The following CLSTN2 variants were observed in gnomAD, a reference collection of about 807,000 sequenced individuals.
CLSTN2 encodes calsyntenin-2.
In CLSTN2, 48 loss-of-function variants were observed where a neutral mutation model predicts 101.2. The observed-to-expected ratio is 0.47, with a 90% CI of 0.38 to 0.60. The LOEUF (loss-of-function observed/expected upper bound fraction) is 0.60. Among genes scored for constraint, CLSTN2 ranks in the 20% least tolerant of loss-of-function variants. The pLI is 0.00. For missense variants in CLSTN2, 1,160 were observed against 1,238.2 expected (o/e 0.94, Z 0.95); for synonymous variants, 481 against 463.6 (o/e 1.04, Z -0.48).
intron 1 of CLSTN2, among the ~76,000 whole-genome samples, chr3:139,989,578 A>T (rs9856121): frequency 0.33 from 49,662 of 151,992 alleles, 10,086 homozygotes; most frequent in Non-Finnish European, 0.46. Context: ...TCCTGGACCC[A>T]GCAGAGGTCA....
intron 2 of CLSTN2, among the ~76,000 whole-genome samples, chr3:140,228,423 T>A (rs1453034187): frequency 6.6e-6 from 1 of 152,214 alleles, no homozygotes; most frequent in African/African-American, 2.4e-5. Flanking sequence ...ATTAACATTT[T>A]GGGCAAAGCC....
At chr3:140,289,969 G>C (rs2086933165) in intron 2 of CLSTN2, among the ~76,000 whole-genome samples, 1 of 150,134 alleles carries the variant, frequency 6.7e-6, no homozygotes, top group African/African-American at 2.5e-5. Flanking sequence ...CATGTAAAAG[G>C]GTCTCAGAAG....
chr3:140,464,373 A>G (rs1433685137), intron 7 of CLSTN2, among the ~76,000 whole-genome samples: 3 of 152,242 alleles, frequency 2.0e-5, no homozygotes, highest in Admixed American at 1.3e-4. Context: ...GACTATTCTA[A>G]TTCAAGAAAG....
chr3:140,318,202 G>A (rs763536275), intron 2 of CLSTN2, among the ~76,000 whole-genome samples: 1 of 152,176 alleles, frequency 6.6e-6, no homozygotes, highest in Non-Finnish European at 1.5e-5. Context: ...TTTTACCCAG[G>A]TAAGCTAAGG....
At chr3:140,335,598 AG>A (rs934254883) in intron 2 of CLSTN2, among the ~76,000 whole-genome samples, 2 of 149,148 alleles carry the variant, frequency 1.3e-5, no homozygotes, top group Non-Finnish European at 2.9e-5. Context: ...AAAGACAGCT[AG>A]GGTTTCAAAG....
At chr3:140,256,373 G>C (rs2086604416) in intron 2 of CLSTN2, among the ~76,000 whole-genome samples, 1 of 152,172 alleles carries the variant, frequency 6.6e-6, no homozygotes, top group Non-Finnish European at 1.5e-5. Flanking sequence ...TGGAAAATAT[G>C]TCTTTGAATG....
intron 8 of CLSTN2, among the ~76,000 whole-genome samples, chr3:140,497,354 C>T (rs1408577958): frequency 3.3e-5 from 5 of 152,134 alleles, no homozygotes; most frequent in African/African-American, 7.2e-5. Flanking sequence ...CCCGCCCAGT[C>T]AGGAGGGATG....
chr3:140,183,965 G>A (rs927598489), intron 2 of CLSTN2, among the ~76,000 whole-genome samples: 2 of 152,170 alleles, frequency 1.3e-5, no homozygotes, highest in Non-Finnish European at 1.5e-5. Context: ...AAACTTATGA[G>A]CATCAAACAA....
intron 1 of CLSTN2, among the ~76,000 whole-genome samples, chr3:140,104,732 G>C (rs1383694996): frequency 6.6e-6 from 1 of 152,224 alleles, no homozygotes; most frequent in Non-Finnish European, 1.5e-5. Flanking sequence ...CCAGCACTTT[G>C]GGAGGCCAAG....
chr3:140,418,504 TCTTTCTTTCTTTC>T (rs144552784), intron 4 of CLSTN2, among the ~76,000 whole-genome samples: 15,460 of 99,272 alleles, frequency 0.16, 1,803 homozygotes, highest in African/African-American at 0.45. Context: ...TTTCTTTCTT[TCTTTCTTTCTTTC>T]TTTTTTTTTT....
At chr3:140,427,184 A>AAATATATATATATATGTGTATATAT (rs2088575338) in intron 5 of CLSTN2, among the ~76,000 whole-genome samples, 1 of 94,202 alleles carries the variant, frequency 1.1e-5, no homozygotes, top group Admixed American at 1.1e-4. Flanking sequence ...AAAAAAAAAA[A>AAATATATATATATATGTGTATATAT]ATATATATAT....
intron 1 of CLSTN2, among the ~76,000 whole-genome samples, chr3:139,966,733 C>G (rs1560056520): frequency 6.6e-6 from 1 of 152,190 alleles, no homozygotes; most frequent in Non-Finnish European, 1.5e-5. Flanking sequence ...TTGCAATCCT[C>G]AGAGGCTCAT....
chr3:140,563,070 C>T lies in CLSTN2; in HGVS notation c.2359-10C>T. Reference sequence around the variant, plus strand: ...CCTGGGTCAATAGCACCTCTCCCCACTCTTCCCAGGTCAGCATCCTTCATG... The same window carrying T: ...CCTGGGTCAATAGCACCTCTCCCCATTCTTCCCAGGTCAGCATCCTTCATG... On this transcript the variant is annotated splice_polypyrimidine_tract_variant and intron_variant, in intron 14 of 16. Coordinates refer to ENST00000458420, the MANE Select transcript of CLSTN2 (RefSeq NM_022131.3). 1 of 1,614,030 alleles carries T rather than the reference C, an allele frequency of 6.2e-7. No homozygotes were observed. The highest frequency in any genetic ancestry group is 8.5e-7 in the Non-Finnish European group (1 of 1,179,946).
intron 1 of CLSTN2, among the ~76,000 whole-genome samples, chr3:140,167,828 C>T (rs976109050): frequency 6.6e-6 from 1 of 152,154 alleles, no homozygotes; most frequent in African/African-American, 2.4e-5. Flanking sequence ...TGACTTATTT[C>T]ACTTCATTTC....
chr3:140,261,370 G>A (rs1160263602), intron 2 of CLSTN2, among the ~76,000 whole-genome samples: 1 of 152,098 alleles, frequency 6.6e-6, no homozygotes, highest in African/African-American at 2.4e-5. Flanking sequence ...CTATGGCCAT[G>A]GGAGACATTT....
intron 1 of CLSTN2, among the ~76,000 whole-genome samples, chr3:140,079,782 A>G (rs1560088657): frequency 6.6e-6 from 1 of 151,954 alleles, no homozygotes; most frequent in African/African-American, 2.4e-5. Context: ...AAAGAAAGAA[A>G]CTAGGGTGGA....
At chr3:140,494,497 T>C (rs148293424) in intron 8 of CLSTN2, among the ~76,000 whole-genome samples, 223 of 152,362 alleles carry the variant, frequency 1.5e-3, no homozygotes, top group African/African-American at 5.3e-3. Flanking sequence ...ATGTGCAGGA[T>C]ATGCAGGCTT....
intron 8 of CLSTN2, among the ~76,000 whole-genome samples, chr3:140,519,252 G>A (rs746391383): frequency 2.0e-5 from 3 of 152,200 alleles, no homozygotes; most frequent in Non-Finnish European, 4.4e-5. Context: ...CTTCGATTAT[G>A]TGATCAATTC....
chr3:140,323,182 G>C (rs1479874), intron 2 of CLSTN2, among the ~76,000 whole-genome samples: 73,533 of 152,044 alleles, frequency 0.48, 18,595 homozygotes, highest in Non-Finnish European at 0.57. Flanking sequence ...CCAGCAGTGG[G>C]TTCCCACAGC....
Sources: allele counts gnomAD v4.1 joint callset (sites outside exome capture counted in the v4.1 genomes callset), GRCh38; gene constraint gnomAD v4.1.1; transcripts MANE v1.5; gene names NCBI Gene and HGNC (gene_info 2026-07-23, HGNC 2026-07-21).